The following ATP9A variants were observed in gnomAD, a reference collection of about 807,000 sequenced individuals.
The protein encoded by ATP9A is probable phospholipid-transporting ATPase IIA.
A neutral mutation model predicts 144.1 loss-of-function variants in ATP9A; 52 were observed. That is an observed-to-expected ratio of 0.36 (90% CI 0.29 to 0.45). The LOEUF (loss-of-function observed/expected upper bound fraction) is 0.45. ATP9A is among the 20% of genes least tolerant of loss of function. The pLI, the probability that ATP9A is intolerant of heterozygous loss-of-function variation, is 1.00. For missense variants in ATP9A, 947 were observed against 1,392.7 expected, an observed-to-expected ratio of 0.68 and a Z score of 5.09; for synonymous variants, 582 against 557.4, an observed-to-expected ratio of 1.04 and a Z score of -0.62.
intron 21 of ATP9A, among the ~76,000 whole-genome samples, chr20:51,618,288 C>T (rs1041895821): frequency 6.6e-6 from 1 of 151,914 alleles, no homozygotes; most frequent in Non-Finnish European, 1.5e-5. Flanking sequence ...ATTATTATTC[C>T]CATTCTACCA....
intron 1 of ATP9A, among the ~76,000 whole-genome samples, chr20:51,767,964 G>A (rs886215941): frequency 3.9e-5 from 6 of 152,216 alleles, no homozygotes; most frequent in African/African-American, 1.4e-4. Context: ...TATTAATTAC[G>A]GAACAATAAA....
intron 14 of ATP9A, among the ~76,000 whole-genome samples, chr20:51,644,017 C>G (rs944604561): frequency 5.3e-5 from 8 of 152,064 alleles, no homozygotes; most frequent in Admixed American, 4.6e-4. Context: ...TGCCTGTAAT[C>G]CCAGCTACTC....
In ATP9A at chr20:51,657,041, T is replaced by C; in HGVS notation, c.1403A>G (p.Asn468Ser). Reference protein sequence around the residue: ...EAVKAIALCHNVTPVYESNGV... With the variant: ...EAVKAIALCHSVTPVYESNGV... ...GTTGGACTCATACACGGGAGTCACGTTGTGGCAGAGCGCGATGGCCTTCAC... is the reference window on the plus strand; with the variant it reads ...GTTGGACTCATACACGGGAGTCACGCTGTGGCAGAGCGCGATGGCCTTCAC... Residue 468 changes from asparagine (N) to serine (S), a missense_variant, in exon 14 of 28, where the codon AAC becomes AGC. This residue lies in a region of ATP9A where 770 missense variants were observed against 1,047.9 expected (regional missense o/e 0.73). Transcript: ENST00000338821. The C allele has an allele frequency of 1.9e-6, 3 of 1,614,170 alleles. No homozygotes were observed. Among genetic ancestry groups the C allele is most frequent in the Non-Finnish European group, 2.5e-6 (3 of 1,180,030 alleles).
chr20:51,692,574 G>A (rs2077553063), intron 7 of ATP9A, among the ~76,000 whole-genome samples: 1 of 152,194 alleles, frequency 6.6e-6, no homozygotes, highest in Admixed American at 6.5e-5. Flanking sequence ...AGCTGAGGTG[G>A]GTGGATCAAT....
Position 51,645,328 on chromosome 20 carries a change from T to C in ATP9A, c.1507-5824A>G, listed in dbSNP as rs557607867. Among the ~76,000 whole-genome samples the C allele has an allele frequency of 1.4e-4, 21 of 152,280 alleles. 2 individuals are homozygous for C. The East Asian group carries it at 4.1e-3, about 29-fold the overall frequency. Reference sequence around the variant, plus strand: ...TGAGGTCAGGAGTTTGAGACCAGCCTGGCCAACATGGTGAAACCCTGTCTC... The same window carrying C: ...TGAGGTCAGGAGTTTGAGACCAGCCCGGCCAACATGGTGAAACCCTGTCTC... On this transcript the variant is annotated intron_variant, in intron 14 of 27. Coordinates refer to ENST00000338821, the MANE Select transcript of ATP9A (RefSeq NM_006045.3).
intron 19 of ATP9A, 22 bp downstream of exon 19, chr20:51,622,052 C>T (rs2122724813): frequency 6.2e-7 from 1 of 1,607,738 alleles, no homozygotes; most frequent in Non-Finnish European, 8.5e-7. Flanking sequence ...CCCACATGGC[C>T]CTAACGCAGA....
chr20:51,658,903 G>A (rs1052972253), intron 13 of ATP9A, among the ~76,000 whole-genome samples: 3 of 118,758 alleles, frequency 2.5e-5, no homozygotes, highest in Admixed American at 8.0e-5. Flanking sequence ...GGGGGGGGGG[G>A]AAGGCTCATT....
At chr20:51,689,812 T>C (rs796285365) in intron 8 of ATP9A, among the ~76,000 whole-genome samples, 6 of 151,734 alleles carry the variant, frequency 4.0e-5, no homozygotes, top group African/African-American at 1.4e-4. Flanking sequence ...AGGATTTGTA[T>C]GAATAAAAGA....
At chr20:51,674,789 C>T (rs142898940) in intron 10 of ATP9A, among the ~76,000 whole-genome samples, 1 of 152,086 alleles carries the variant, frequency 6.6e-6, no homozygotes, top group African/African-American at 2.4e-5. Context: ...GTGGTGGCAC[C>T]CGATTTTTAG....
At chr20:51,622,284 CCTCCTGCCGA>C in intron 18 of ATP9A, 112 bp from the exon 19 acceptor site, 1 of 837,534 alleles carries the variant, frequency 1.2e-6, no homozygotes, top group Non-Finnish European at 2.0e-6. Flanking sequence ...GTTCCGTTTA[CCTCCTGCCGA>C]CTCATGCTGT....
At chr20:51,622,282 T>G in intron 18 of ATP9A, 110 bp from the exon 19 acceptor site, 1 of 859,900 alleles carries the variant, frequency 1.2e-6, no homozygotes, top group South Asian at 1.5e-5. Flanking sequence ...ATGTTCCGTT[T>G]ACCTCCTGCC....
chr20:51,686,131 T>C (rs4811215), intron 9 of ATP9A, among the ~76,000 whole-genome samples: 121,893 of 152,096 alleles, frequency 0.8, 49,135 homozygotes, highest in African/African-American at 0.89. Flanking sequence ...AAACCAAACA[T>C]GGCATGTTCT....
intron 15 of ATP9A, among the ~76,000 whole-genome samples, chr20:51,631,106 G>A (rs534934423): frequency 6.6e-6 from 1 of 152,308 alleles, no homozygotes; most frequent in South Asian, 2.1e-4. Context: ...TTTGGTTTCA[G>A]GCTCCTTTGG....
Position 51,725,828 on chromosome 20 carries a change from C to A in ATP9A, c.318G>T (p.Trp106Cys). The change falls in exon 3 of 28, where the codon TGG becomes TGT. Residue 106 changes from tryptophan (W) to cysteine (C), a missense_variant. This residue lies in a region of ATP9A where 770 missense variants were observed against 1,047.9 expected (regional missense o/e 0.73). Coordinates refer to ENST00000338821, the MANE Select transcript of ATP9A (RefSeq NM_006045.3). The part of the protein sequence containing the change: ...EMRLGALYTY[W>C]VPLGFVLAVT... ...ATGCCGATTAACTTACCAGGGGAAC[C>A]CAGTAGGTATAGAGTGCACCAAGTC... 6.3e-7 allele frequency: 1 copy of A among 1,599,462 alleles called. No homozygotes were observed. The highest frequency in any genetic ancestry group is 8.6e-7 in the Non-Finnish European group (1 of 1,166,766).
rs1288358931 is a variant in ATP9A, at chr20:51,662,418, G to A, written c.1294-5268C>T. Among the ~76,000 whole-genome samples the A allele has an allele frequency of 3.3e-5, 5 of 151,946 alleles. No individual in the cohort carries two copies. The South Asian group carries it at 1.0e-3, about 32-fold the overall frequency. ...AAATTAGCTGGGCGTGGTGGCAGGTGCCTGTAATCCCAGCTACTCGGCAGG... is the reference window on the plus strand; with the variant it reads ...AAATTAGCTGGGCGTGGTGGCAGGTACCTGTAATCCCAGCTACTCGGCAGG... On this transcript the variant is annotated intron_variant, in intron 13 of 27. Coordinates refer to ENST00000338821, the MANE Select transcript of ATP9A (RefSeq NM_006045.3).
intron 4 of ATP9A, 99 bp downstream of exon 4, chr20:51,712,867 T>A: frequency 1.9e-6 from 2 of 1,066,116 alleles, no homozygotes; most frequent in Non-Finnish European, 2.8e-6. Context: ...CCACGTGGCA[T>A]TCCCACACCT....
At chr20:51,694,942 G>T (rs925354963) in intron 6 of ATP9A, among the ~76,000 whole-genome samples, 1 of 152,120 alleles carries the variant, frequency 6.6e-6, no homozygotes, top group Admixed American at 6.6e-5. Context: ...TAGGACACAA[G>T]AACGAATTTA....
intron 9 of ATP9A, among the ~76,000 whole-genome samples, chr20:51,678,770 C>T (rs1244247352): frequency 6.6e-6 from 1 of 152,218 alleles, no homozygotes; most frequent in Non-Finnish European, 1.5e-5. Context: ...AGGGGGACCC[C>T]AAAGGGAGTG....
intron 7 of ATP9A, 56 bp downstream of exon 7, chr20:51,693,952 G>A: frequency 6.7e-7 from 1 of 1,495,866 alleles, no homozygotes; most frequent in Non-Finnish European, 9.2e-7. Flanking sequence ...GTATGAGTTT[G>A]AGAACCCTGC....
Sources: gnomAD v4.1 joint callset for allele counts (sites outside exome capture counted in the v4.1 genomes callset) on GRCh38, gnomAD v4.1.1 for gene constraint, gnomAD v4.1.1 regional missense constraint, MANE v1.5 for transcripts, NCBI Gene and HGNC (gene_info 2026-07-23, HGNC 2026-07-21) for gene names.